PCSK5: variants seen among roughly 807,000 people sequenced by gnomAD.
PCSK5 encodes the protein prohormone convertase 5.
Under a neutral mutation model 233.2 loss-of-function variants are expected in PCSK5, and 129 were observed. The observed-to-expected ratio is 0.55, with a 90% CI of 0.48 to 0.64. The LOEUF (loss-of-function observed/expected upper bound fraction) is 0.64. PCSK5 is among the 30% of genes least tolerant of loss of function. PCSK5 has a pLI of 0.00. For missense variants in PCSK5, 2,076 were observed against 2,430.1 expected, an observed-to-expected ratio of 0.85 and a Z score of 3.06; for synonymous variants, 825 against 879.2, an observed-to-expected ratio of 0.94 and a Z score of 1.09.
At chr9:75,953,916 A>G (rs1824980507) in intron 2 of PCSK5, among the ~76,000 whole-genome samples, 1 of 152,170 alleles carries the variant, frequency 6.6e-6, no homozygotes, top group Non-Finnish European at 1.5e-5. Flanking sequence ...CTGTGGGGGA[A>G]GGCCTCCCTC....
chr9:76,023,946 A>T, intron 4 of PCSK5, 65 bp downstream of exon 4: 2 of 1,440,198 alleles, frequency 1.4e-6, no homozygotes, highest in East Asian at 4.6e-5. Flanking sequence ...TGTTAGGATT[A>T]TCAAAAAGGT....
At chr9:76,066,913 G>T (rs1487136423) in intron 5 of PCSK5, among the ~76,000 whole-genome samples, 2 of 152,016 alleles carry the variant, frequency 1.3e-5, no homozygotes, top group African/African-American at 2.4e-5. Flanking sequence ...CGTATCTCTG[G>T]TCCTCCTAGA....
chr9:75,891,533 A>G (rs1179954972), intron 1 of PCSK5, among the ~76,000 whole-genome samples, 160 bp downstream of exon 1: 5 of 676 alleles, frequency 7.4e-3, no homozygotes, highest in Non-Finnish European at 0.012. Flanking sequence ...GCGCGTACGC[A>G]CACACACACA....
intron 24 of PCSK5, among the ~76,000 whole-genome samples, chr9:76,289,759 T>G (rs1025975950): frequency 6.6e-6 from 1 of 152,342 alleles, no homozygotes; most frequent in Admixed American, 6.5e-5. Context: ...ATAATTCTCA[T>G]TCTTCAGAAC....
intron 24 of PCSK5, among the ~76,000 whole-genome samples, chr9:76,261,539 C>T (rs1029541869): frequency 6.6e-6 from 1 of 152,128 alleles, no homozygotes; most frequent in Non-Finnish European, 1.5e-5. Context: ...CCTTCCTGCC[C>T]TCACAAATAT....
chr9:76,063,327 T>C (rs1196638060), intron 5 of PCSK5, among the ~76,000 whole-genome samples: 5 of 133,256 alleles, frequency 3.8e-5, no homozygotes, highest in Non-Finnish European at 8.0e-5. Flanking sequence ...TTCTTTTTTT[T>C]TTTTTTTTTT....
At chr9:76,207,356 G>A (rs960260335) in intron 20 of PCSK5, among the ~76,000 whole-genome samples, 11 of 152,072 alleles carry the variant, frequency 7.2e-5, no homozygotes, top group African/African-American at 2.7e-4. Context: ...TCAGTGAAGT[G>A]GAAATAATAA....
chr9:75,891,527 GTA>G (rs760247170), intron 1 of PCSK5, among the ~76,000 whole-genome samples, 154 bp downstream of exon 1: 2 of 72,204 alleles, frequency 2.8e-5, no homozygotes, highest in Non-Finnish European at 5.2e-5. Flanking sequence ...GCGCGCGCGC[GTA>G]CGCACACACA....
At chr9:76,256,622 C>T (rs1826990686) in intron 24 of PCSK5, among the ~76,000 whole-genome samples, 1 of 152,200 alleles carries the variant, frequency 6.6e-6, no homozygotes, top group East Asian at 1.9e-4. Context: ...TGCCAAATTA[C>T]TTCCTTTTAG....
chr9:75,977,835 C>T (rs969897265), intron 2 of PCSK5, among the ~76,000 whole-genome samples: 1 of 151,928 alleles, frequency 6.6e-6, no homozygotes, highest in Non-Finnish European at 1.5e-5. Flanking sequence ...TGGTCTCGAG[C>T]TCTGACCTCA....
chr9:76,042,730 T>C (rs1303031972), intron 5 of PCSK5, among the ~76,000 whole-genome samples: 1 of 152,186 alleles, frequency 6.6e-6, no homozygotes, highest in African/African-American at 2.4e-5. Flanking sequence ...GGAAGTATTT[T>C]CCCTTAGCTA....
chr9:76,171,198 T>G (rs1470959073), intron 13 of PCSK5, among the ~76,000 whole-genome samples: 1 of 152,192 alleles, frequency 6.6e-6, no homozygotes, highest in Non-Finnish European at 1.5e-5. Context: ...TAATCTACAT[T>G]AGTTCCCAGG....
At chr9:76,207,802 C>T (rs1825181748) in intron 20 of PCSK5, among the ~76,000 whole-genome samples, 2 of 152,130 alleles carry the variant, frequency 1.3e-5, no homozygotes, top group Non-Finnish European at 2.9e-5. Context: ...TGGAAAGTGC[C>T]AGGAATTTTT....
chr9:76,073,185 T>G (rs2131605787), intron 7 of PCSK5, among the ~76,000 whole-genome samples: 1 of 152,364 alleles, frequency 6.6e-6, no homozygotes, highest in African/African-American at 2.4e-5. Flanking sequence ...TGTTGATTAA[T>G]GTAATGTTGC....
intron 1 of PCSK5, among the ~76,000 whole-genome samples, chr9:75,917,993 C>T (rs1305914424): frequency 8.5e-5 from 13 of 152,048 alleles, no homozygotes; most frequent in African/African-American, 1.2e-4. Context: ...ATTTTTAGTT[C>T]TGAAATTTTA....
At chr9:75,889,862 C>G (rs991017589), upstream of PCSK5, among the ~76,000 whole-genome samples, 1 of 152,176 alleles carries the variant, frequency 6.6e-6, no homozygotes, top group East Asian at 1.9e-4. Context: ...TGAACTTCCT[C>G]TGTGGTCTTT....
intron 24 of PCSK5, among the ~76,000 whole-genome samples, chr9:76,270,118 C>G (rs1364107832): frequency 2.0e-5 from 3 of 151,934 alleles, no homozygotes; most frequent in African/African-American, 4.8e-5. Flanking sequence ...CTTGTTTACA[C>G]AAGCCCTAGT....
In PCSK5 at chr9:75,932,481, A is replaced by G. The variant is rs1184419062; in HGVS notation, c.295A>G (p.Lys99Glu). 1 of 1,584,734 alleles carries G rather than the reference A, an allele frequency of 6.3e-7. No homozygotes were observed. Among genetic ancestry groups the G allele is most frequent in the Non-Finnish European group, 8.7e-7 (1 of 1,153,268 alleles). ...CCACAGTTTCATTTCAATGGAACCAAAGGTAAGAAGAACCAGTTGCGTGGG... is the reference window on the plus strand; with the variant it reads ...CCACAGTTTCATTTCAATGGAACCAGAGGTAAGAAGAACCAGTTGCGTGGG... ...GTHSFISMEP[K>E]VEWIQQQVVK... Residue 99 changes from lysine (K) to glutamate (E), a missense_variant and splice_region_variant, in exon 2 of 38, where the codon AAG (lysine) becomes GAG (glutamate). Around this residue, in one of 6 missense-constraint regions of PCSK5, gnomAD observed 190 missense variants for 216.3 expected, o/e 0.88. Transcript: ENST00000674117.
intron 7 of PCSK5, among the ~76,000 whole-genome samples, chr9:76,084,136 T>C (rs1830967339): frequency 6.6e-6 from 1 of 152,236 alleles, no homozygotes; most frequent in Admixed American, 6.5e-5. Context: ...ATTTAGAACA[T>C]TAACAAAGCT....
Sources: allele counts gnomAD v4.1 joint callset (sites outside exome capture counted in the v4.1 genomes callset), GRCh38; gene constraint gnomAD v4.1.1; regional missense constraint gnomAD v4.1.1; transcripts MANE v1.5; gene names NCBI Gene and HGNC (gene_info 2026-07-23, HGNC 2026-07-21).